NLRC5: variants seen among roughly 807,000 people sequenced by gnomAD.
NLRC5 encodes protein NLRC5.
A neutral mutation model predicts 206.9 loss-of-function variants in NLRC5; 114 were observed. The ratio of observed to expected loss-of-function variants is 0.55; its 90% CI spans 0.47 to 0.64. The LOEUF is 0.64. Among genes scored for constraint, NLRC5 ranks in the 30% least tolerant of loss-of-function variants. NLRC5 has a pLI of 0.00. For missense variants in NLRC5, 2,008 were observed against 2,305.5 expected, an observed-to-expected ratio of 0.87 and a Z score of 2.64; for synonymous variants, 952 against 962.8, an observed-to-expected ratio of 0.99 and a Z score of 0.21.
chr16:57,001,058 C>T (rs772004866), intron 1 of NLRC5, among the ~76,000 whole-genome samples: 3 of 152,184 alleles, frequency 2.0e-5, no homozygotes, highest in South Asian at 4.1e-4. Context: ...AGGTGTTATC[C>T]GAAGCCCTGA....
intron 38 of NLRC5, among the ~76,000 whole-genome samples, chr16:57,073,350 C>T (rs543759407): frequency 3.9e-5 from 6 of 152,292 alleles, no homozygotes; most frequent in African/African-American, 1.4e-4. Flanking sequence ...GTGTAACTCC[C>T]CACAGGCAGT....
chr16:57,010,329 C>T (rs1268254165), intron 1 of NLRC5, among the ~76,000 whole-genome samples: 1 of 152,142 alleles, frequency 6.6e-6, no homozygotes, highest in East Asian at 1.9e-4. Context: ...AAATGTTAAA[C>T]TCAAAAGTAA....
intron 1 of NLRC5, among the ~76,000 whole-genome samples, chr16:57,015,604 A>C (rs1490701586): frequency 1.3e-5 from 2 of 148,804 alleles, no homozygotes; most frequent in Non-Finnish European, 3.0e-5. Context: ...ATAAATAAAT[A>C]AATAAATAAA....
In NLRC5 at chr16:57,020,776, A is replaced by G; in HGVS notation, c.64A>G (p.Thr22Ala). 16 of 1,612,548 alleles carry G rather than the reference A, an allele frequency of 9.9e-6. 1 individual carries two copies. Among genetic ancestry groups the G allele is most frequent in the Non-Finnish European group, 1.4e-5 (16 of 1,179,698 alleles). ...GTGGAGCTGTCTTGTGAGGCTGCTC[A>G]CCAAAGACCCAGAATGGCTGAACGC... ...NLWSCLVRLL[T>A]KDPEWLNAKM... Residue 22 changes from threonine to alanine, a missense_variant, in exon 3 of 49, where the codon ACC (threonine) becomes GCC (alanine). Thr to Ala is a moderately conservative substitution (Grantham distance 58). Transcript: ENST00000688547.
At chr16:57,052,203 T>G (rs1341899187) in intron 24 of NLRC5, among the ~76,000 whole-genome samples, 1 of 152,254 alleles carries the variant, frequency 6.6e-6, no homozygotes, top group Non-Finnish European at 1.5e-5. Context: ...CCATGTGTGG[T>G]GGCTCATGCC....
intron 13 of NLRC5, 57 bp from the exon 14 acceptor site, chr16:57,036,043 G>A: frequency 6.7e-7 from 1 of 1,496,730 alleles, no homozygotes; most frequent in South Asian, 1.1e-5. Context: ...AGTAAGTGAT[G>A]GGGATTGAGG....
chr16:57,014,535 G>A (rs1269129040), intron 1 of NLRC5, among the ~76,000 whole-genome samples: 1 of 152,148 alleles, frequency 6.6e-6, no homozygotes, highest in Non-Finnish European at 1.5e-5. Flanking sequence ...AATATTTAAG[G>A]CATATAAATA....
intron 2 of NLRC5, among the ~76,000 whole-genome samples, chr16:57,017,409 A>G (rs1372910462): frequency 6.6e-6 from 1 of 152,210 alleles, no homozygotes; most frequent in Non-Finnish European, 1.5e-5. Context: ...CCCATTTTAG[A>G]GATGGTATGA....
At chr16:57,021,679 T>TTTTG (rs751688201) in intron 3 of NLRC5, among the ~76,000 whole-genome samples, 4 of 152,248 alleles carry the variant, frequency 2.6e-5, no homozygotes, top group South Asian at 2.1e-4. Flanking sequence ...CTAGAGGTGT[T>TTTTG]TTTGTTTGTT....
intron 43 of NLRC5, 145 bp from the exon 44 acceptor site, chr16:57,078,899 AGGGTCC>A: frequency 1.5e-6 from 1 of 689,316 alleles, no homozygotes. Context: ...CCCCAAAGCC[AGGGTCC>A]TTGATACCTA....
chr16:57,037,158 C>T (rs756842332), intron 14 of NLRC5, 37 bp from the exon 15 acceptor site: 43 of 1,576,514 alleles, frequency 2.7e-5, no homozygotes, highest in Admixed American at 6.7e-5. Context: ...GGTACCTCAG[C>T]CACATGCCAA....
chr16:57,003,368 T>C (rs1204093057), intron 1 of NLRC5, among the ~76,000 whole-genome samples: 8 of 152,172 alleles, frequency 5.3e-5, no homozygotes, highest in Non-Finnish European at 8.8e-5. Context: ...GTTTGTATCA[T>C]GTGCCAGGTT....
chr16:57,013,572 G>A, intron 1 of NLRC5: 1 of 1,099,516 alleles, frequency 9.1e-7, no homozygotes, highest in Non-Finnish European at 1.4e-6. Flanking sequence ...AGAATTTTAA[G>A]TACCCAAAGT....
In NLRC5 at chr16:56,989,907, T is replaced by A. The variant is rs565054145; in HGVS notation, c.-128+290T>A. ...TGGATGGGGGGACACAGTAAGCGGCTGTGCTCCCCTCCCTGCGCAGCTCCT... is the reference window on the plus strand; with the variant it reads ...TGGATGGGGGGACACAGTAAGCGGCAGTGCTCCCCTCCCTGCGCAGCTCCT... On this transcript the variant is annotated intron_variant, in intron 1 of 48. Transcript: ENST00000688547. Among the ~76,000 whole-genome samples, 4 of 152,328 alleles carry A rather than the reference T, an allele frequency of 2.6e-5. No individual in the cohort carries two copies. The South Asian group carries it at 8.3e-4, about 32-fold the overall frequency.
intron 10 of NLRC5, 47 bp from the exon 11 acceptor site, chr16:57,031,357 C>T (rs759467874): frequency 6.2e-7 from 1 of 1,603,394 alleles, no homozygotes; most frequent in Non-Finnish European, 8.5e-7. Context: ...GGGTGATGTG[C>T]TGGTTTCCAG....
chr16:57,039,656 T>G (rs917601121), intron 15 of NLRC5, 125 bp from the exon 16 acceptor site: 126 of 802,476 alleles, frequency 1.6e-4, no homozygotes, highest in Non-Finnish European at 1.0e-5. Flanking sequence ...GGTGGAGGCT[T>G]CAGTGAGCCA....
chr16:57,074,909 G>A (rs1011130), intron 39 of NLRC5, among the ~76,000 whole-genome samples: 16,829 of 150,584 alleles, frequency 0.11, 1,045 homozygotes, highest in Non-Finnish European at 0.14. Flanking sequence ...GGCCCACGTC[G>A]TAGAACAACC....
intron 1 of NLRC5, among the ~76,000 whole-genome samples, chr16:57,015,566 A>G (rs2059960880): frequency 6.6e-6 from 1 of 151,734 alleles, no homozygotes; most frequent in Non-Finnish European, 1.5e-5. Flanking sequence ...AGCCTGGGCA[A>G]CATAGAAAGA....
In NLRC5 at chr16:57,056,218, G is replaced by A. The variant is rs79821830; in HGVS notation, c.3746+699G>A. Among the ~76,000 whole-genome samples, 270 of 152,266 alleles carry A rather than the reference G, an allele frequency of 1.8e-3. 2 individuals carry two copies. The highest frequency in any genetic ancestry group is 0.016 in the East Asian group (81 of 5,190). On this transcript the variant is annotated intron_variant, in intron 27 of 48. Transcript: ENST00000688547. ...CAGTGGGAAATAGAGAGAGCAGTCC[G>A]CCAAAAATGCCACACAATTTTCATT...
Sources: gnomAD v4.1 joint callset for allele counts (sites outside exome capture counted in the v4.1 genomes callset) on GRCh38, gnomAD v4.1.1 for gene constraint, MANE v1.5 for transcripts, NCBI Gene and HGNC (gene_info 2026-07-23, HGNC 2026-07-21) for gene names.